Variants in ECT2L observed in about 807,000 individuals in gnomAD.
ECT2L encodes the protein epithelial cell-transforming sequence 2 oncogene-like.
In ECT2L, 126 loss-of-function variants were observed where a neutral mutation model predicts 122.8. The ratio of observed to expected loss-of-function variants is 1.03; its 90% confidence interval spans 0.89 to 1.19. The LOEUF (loss-of-function observed/expected upper bound fraction) is 1.19, where lower values mean the gene tolerates loss of function less well. Ranked by LOEUF, ECT2L falls within the 50% of genes most tolerant of loss-of-function variation. ECT2L has a pLI of 0.00. For synonymous variants in ECT2L, 385 were observed against 381.8 expected, an observed-to-expected ratio of 1.01 and a Z score of -0.10; for missense variants, 1,012 against 1,064.1, an observed-to-expected ratio of 0.95 and a Z score of 0.68.
chr6:138,819,951 T>C (rs1358465848), intron 4 of ECT2L, among the ~76,000 whole-genome samples: 3 of 152,168 alleles, frequency 2.0e-5, no homozygotes, highest in Non-Finnish European at 4.4e-5. Flanking sequence ...ATACTTTGCA[T>C]AATTCAAGTT....
At chr6:138,853,386 C>CTGCTACCCTGTCACA (rs1291017002) in intron 9 of ECT2L, among the ~76,000 whole-genome samples, 1 of 152,176 alleles carries the variant, frequency 6.6e-6, no homozygotes, top group African/African-American at 2.4e-5. Flanking sequence ...AAAACAAAGT[C>CTGCTACCCTGTCACA]TGCTACCCTG....
intron 9 of ECT2L, 25 bp from the exon 10 acceptor site, chr6:138,854,001 T>G: frequency 6.2e-7 from 1 of 1,609,138 alleles, no homozygotes; most frequent in Non-Finnish European, 8.5e-7. Flanking sequence ...CAAGCTAATA[T>G]GACATTTTGA....
chr6:138,856,567 A>G (rs1332273532), intron 10 of ECT2L, among the ~76,000 whole-genome samples: 1 of 151,998 alleles, frequency 6.6e-6, no homozygotes, highest in Non-Finnish European at 1.5e-5. Context: ...TTTCACTACC[A>G]CCATGTCTTC....
intron 9 of ECT2L, among the ~76,000 whole-genome samples, chr6:138,850,994 C>CAAAAAAAAAAAAAAAAAAAAAAAAAAAAA (rs34453938): frequency 1.7e-5 from 1 of 57,770 alleles, no homozygotes; most frequent in African/African-American, 6.4e-5. Flanking sequence ...AACTCCATCT[C>CAAAAAAAAAAAAAAAAAAAAAAAAAAAAA]AAAAAAAAAA....
At chr6:138,820,961 G>A (rs1776248224) in intron 4 of ECT2L, among the ~76,000 whole-genome samples, 1 of 152,198 alleles carries the variant, frequency 6.6e-6, no homozygotes, top group South Asian at 2.1e-4. Flanking sequence ...AGAGATTTTG[G>A]CTCAACGCAA....
chr6:138,883,124 C>T (rs556270382), intron 16 of ECT2L, among the ~76,000 whole-genome samples: 1 of 152,292 alleles, frequency 6.6e-6, no homozygotes, highest in Non-Finnish European at 1.5e-5. Flanking sequence ...TTCACCTGCC[C>T]CAGATACCCT....
Position 138,881,140 on chromosome 6 carries a change from T to C in ECT2L, c.1849T>C (p.Cys617Arg), listed in dbSNP as rs1778632287. The C allele has an allele frequency of 3.1e-6, 5 of 1,614,146 alleles. No individual in the cohort carries two copies. The highest frequency in any genetic ancestry group is 4.2e-6 in the Non-Finnish European group (5 of 1,179,996). Residue 617 changes from cysteine to arginine, a missense_variant, in exon 15 of 22, where the codon TGT (cysteine) becomes CGT (arginine). Transcript: ENST00000541398. ...LSAANIQIIFCDILQILSLNR... is the reference protein window; with the variant it reads ...LSAANIQIIFRDILQILSLNR... ...TGCTGCCAATATCCAGATCATTTTCTGTGACATTCTACAGATTTTAAGTCT... is the reference window on the plus strand; with the variant it reads ...TGCTGCCAATATCCAGATCATTTTCCGTGACATTCTACAGATTTTAAGTCT...
At chr6:138,845,447 T>G (rs1000960931) in intron 7 of ECT2L, among the ~76,000 whole-genome samples, 2 of 152,272 alleles carry the variant, frequency 1.3e-5, no homozygotes, top group Admixed American at 1.3e-4. Context: ...TTTCACCGTA[T>G]TGGCCAGGCT....
At chr6:138,840,006 C>T (rs1386173308) in intron 5 of ECT2L, among the ~76,000 whole-genome samples, 1 of 152,028 alleles carries the variant, frequency 6.6e-6, no homozygotes, top group African/African-American at 2.4e-5. Context: ...CTACTGTTGA[C>T]CAGAAGACTT....
At chr6:138,898,977 A>T (rs1779305833) in intron 20 of ECT2L, among the ~76,000 whole-genome samples, 1 of 152,218 alleles carries the variant, frequency 6.6e-6, no homozygotes, top group Non-Finnish European at 1.5e-5. Context: ...TAAAGTGGTA[A>T]CAGTTATGTA....
intron 13 of ECT2L, among the ~76,000 whole-genome samples, chr6:138,876,068 G>A (rs112828966): frequency 0.015 from 2,340 of 151,994 alleles, 33 homozygotes; most frequent in Admixed American, 0.046. Context: ...GCAGTGAGCC[G>A]AGATTGTGCC....
At chr6:138,851,184 T>C (rs905129897) in intron 9 of ECT2L, among the ~76,000 whole-genome samples, 1 of 151,988 alleles carries the variant, frequency 6.6e-6, no homozygotes, top group Non-Finnish European at 1.5e-5. Context: ...TGCTTTTTTT[T>C]TGTTTTGTTG....
chr6:138,870,967 G>A lies in ECT2L; in HGVS notation c.1578+2761G>A, dbSNP rs986203787. ...AGTGAGCCAAGGTTTGCTTGAACCC[G>A]GGGAGGTTCAGTGAGCAGAGGTTGC... On this transcript the variant is annotated intron_variant, in intron 13 of 21. Transcript: ENST00000541398. Among the ~76,000 whole-genome samples, 4 of 152,140 alleles carry A rather than the reference G, an allele frequency of 2.6e-5. 1 individual carries two copies. Among genetic ancestry groups the A allele is most frequent in the Admixed American group, 2.0e-4 (3 of 15,282 alleles).
At chr6:138,827,243 G>A (rs1361478220) in intron 4 of ECT2L, among the ~76,000 whole-genome samples, 1 of 152,116 alleles carries the variant, frequency 6.6e-6, no homozygotes, top group Non-Finnish European at 1.5e-5. Context: ...AGCTACTCTG[G>A]AGGCTGACGC....
chr6:138,797,283 G>A (rs1051893957), intron 1 of ECT2L, among the ~76,000 whole-genome samples: 3 of 151,946 alleles, frequency 2.0e-5, no homozygotes, highest in East Asian at 1.9e-4. Context: ...TTCTACTCCC[G>A]TTCTTTTGTG....
intron 9 of ECT2L, among the ~76,000 whole-genome samples, chr6:138,850,247 C>T (rs754354565): frequency 2.1e-4 from 32 of 151,974 alleles, no homozygotes; most frequent in Admixed American, 8.5e-4. Context: ...GGGGTTCAAG[C>T]GATTCTCCTG....
intron 4 of ECT2L, chr6:138,822,626 A>C (rs1776304612): frequency 1.3e-6 from 1 of 776,630 alleles, no homozygotes; most frequent in Non-Finnish European, 2.0e-6. Flanking sequence ...CAGCAAGAAT[A>C]AAAACACAAA....
At chr6:138,848,438 A>T (rs1777309424) in intron 8 of ECT2L, among the ~76,000 whole-genome samples, 1 of 152,218 alleles carries the variant, frequency 6.6e-6, no homozygotes, top group African/African-American at 2.4e-5. Flanking sequence ...AAAATAAAGG[A>T]AGCACAAAGA....
At chr6:138,881,305 T>A (rs1778638855) in intron 15 of ECT2L, 134 bp downstream of exon 15, 1 of 851,806 alleles carries the variant, frequency 1.2e-6, no homozygotes, top group Admixed American at 2.4e-5. Flanking sequence ...AGCAGCGAGA[T>A]CCTCATCACA....
Sources: gnomAD v4.1 joint callset for allele counts (sites outside exome capture counted in the v4.1 genomes callset) on GRCh38, gnomAD v4.1.1 for gene constraint, MANE v1.5 for transcripts, NCBI Gene and HGNC (gene_info 2026-07-23, HGNC 2026-07-21) for gene names.